The following TUBB8B variants were observed in gnomAD, a reference collection of about 807,000 sequenced individuals.
TUBB8B encodes tubulin beta 8B, also known as HSA18p11 beta-tubulin 4Q pseudogene.
Under a neutral mutation model 31.9 loss-of-function variants are expected in TUBB8B, and 26 were observed. The ratio of observed to expected loss-of-function variants is 0.81; its 90% CI spans 0.60 to 1.13. TUBB8B has a LOEUF of 1.13. Among genes scored for constraint, TUBB8B ranks in the 50% most tolerant of loss-of-function variants. The probability of loss-of-function intolerance (pLI) is 0.00; values close to 1 mark genes in which losing one functional copy is unlikely to be tolerated. For synonymous variants in TUBB8B, 173 were observed against 231.0 expected (o/e 0.75, Z 2.28); for missense variants, 467 against 586.7 (o/e 0.80, Z 2.11).
the TUBB8B span, among the ~76,000 whole-genome samples, chr18:72,143 A>C: frequency 7.1e-6 from 1 of 140,706 alleles, no homozygotes; most frequent in Non-Finnish European, 1.5e-5. Context: ...ACGCCACTGC[A>C]CTCCAGCCTG....
chr18:71,568 TTAA>T, the TUBB8B span, among the ~76,000 whole-genome samples: 69 of 78,480 alleles, frequency 8.8e-4, 2 homozygotes, highest in African/African-American at 3.0e-3. Flanking sequence ...AAAAAAAAAT[TTAA>T]AAAAAAAAAA....
upstream of TUBB8B, among the ~76,000 whole-genome samples, chr18:53,171 A>T (rs934735065): frequency 6.6e-6 from 1 of 151,860 alleles, no homozygotes; most frequent in Non-Finnish European, 1.5e-5. Flanking sequence ...CTAGCTACTC[A>T]TATTAAGATA....
the TUBB8B span, among the ~76,000 whole-genome samples, chr18:57,322 T>C: frequency 1.6e-4 from 25 of 151,738 alleles, 1 homozygote; most frequent in South Asian, 8.3e-4. Context: ...AAGATACAAA[T>C]GGGGCATAGG....
rs1324135079 is a variant in TUBB8B, at chr18:47,235, ATACTT to A, written c.*150_*154del. ...GGAGGCAAAACCAGATGCTGTGAGA[ATACTT>A]TATTAGTCAAAACCGCATACTATAA... On this transcript the variant is annotated 3_prime_UTR_variant, in exon 4 of 4. Coordinates refer to ENST00000308911, the MANE Select transcript of TUBB8B (RefSeq NM_001358689.2). Among the ~76,000 whole-genome samples, 221 of 121,904 alleles carry A rather than the reference ATACTT, an allele frequency of 1.8e-3. 3 individuals are homozygous for A. The highest frequency in any genetic ancestry group is 6.4e-3 in the African/African-American group (184 of 28,672). 80.0% of individuals were successfully genotyped at this position (121,904 alleles called of 152,430 possible). A position where few individuals can be genotyped will look rare whatever the true frequency, so the allele number is the denominator to read the frequency against.
chr18:65,029 G>A, the TUBB8B span, among the ~76,000 whole-genome samples: 94 of 152,130 alleles, frequency 6.2e-4, no homozygotes, highest in South Asian at 4.2e-4. Context: ...GGCCAGGTGC[G>A]GTGGCTCACA....
chr18:73,147 C>A, the TUBB8B span, among the ~76,000 whole-genome samples: 1 of 152,128 alleles, frequency 6.6e-6, no homozygotes, highest in African/African-American at 2.4e-5. Flanking sequence ...GAAACAAACT[C>A]GCATTCGTAA....
chr18:65,823 C>T, the TUBB8B span, among the ~76,000 whole-genome samples: 16 of 152,000 alleles, frequency 1.1e-4, no homozygotes, highest in Non-Finnish European at 1.6e-4. Flanking sequence ...ACCCCCAAAA[C>T]GTTATTAAAA....
At chr18:54,563 C>G (rs1387963398), upstream of TUBB8B, among the ~76,000 whole-genome samples, 1 of 151,834 alleles carries the variant, frequency 6.6e-6, no homozygotes, top group African/African-American at 2.4e-5. Flanking sequence ...TGGTAACCAC[C>G]CTTATACTCT....
upstream of TUBB8B, among the ~76,000 whole-genome samples, chr18:53,476 C>T (rs948907820): frequency 1.3e-5 from 2 of 151,652 alleles, no homozygotes; most frequent in Non-Finnish European, 2.9e-5. Flanking sequence ...TAATTATTAT[C>T]ATTATCGTTT....
the TUBB8B span, among the ~76,000 whole-genome samples, chr18:72,832 T>C: frequency 6.6e-6 from 1 of 151,978 alleles, no homozygotes; most frequent in Non-Finnish European, 1.5e-5. Context: ...CCGGGCGTGG[T>C]GGTGCATGCC....
At chr18:68,019 T>A in the TUBB8B span, among the ~76,000 whole-genome samples, 1 of 152,200 alleles carries the variant, frequency 6.6e-6, no homozygotes, top group Admixed American at 6.5e-5. Flanking sequence ...AATACTGATA[T>A]TGCAGCCGCA....
Position 48,346 on chromosome 18 carries a change from A to G in TUBB8B, c.379T>C (p.Cys127Arg). ...AGCTGGAAACCCTGCAGGCAGTCAC[A>G]GCTCTCAGCCTCCTTTCTGACAACG... is the stretch of plus-strand genomic sequence containing the variant. ...MDVVRKEAES[C>R]DCLQGFQLTH... Residue 127 changes from cysteine (C) to arginine (R), a missense_variant, in exon 4 of 4, where the codon TGT becomes CGT. By Grantham distance (180) the Cys-to-Arg change is radical. This residue lies in a region of TUBB8B where 259 missense variants were observed against 380.1 expected (regional missense o/e 0.68). Transcript: ENST00000308911. 1.2e-6 allele frequency: 2 copies of G among 1,610,586 alleles called. No individual in the cohort carries two copies. The highest frequency in any genetic ancestry group is 1.7e-6 in the Non-Finnish European group (2 of 1,177,086).
At chr18:57,967 G>A in the TUBB8B span, among the ~76,000 whole-genome samples, 1 of 151,848 alleles carries the variant, frequency 6.6e-6, no homozygotes, top group Admixed American at 6.6e-5. Flanking sequence ...TGCTACACCT[G>A]GAGCTGGAGC....
the TUBB8B span, among the ~76,000 whole-genome samples, chr18:63,189 T>C: frequency 2.0e-5 from 3 of 151,782 alleles, no homozygotes; most frequent in Admixed American, 6.6e-5. Flanking sequence ...TTGATACTTG[T>C]AGATGTTCAT....
At chr18:71,063 C>T in the TUBB8B span, among the ~76,000 whole-genome samples, 470 of 151,626 alleles carry the variant, frequency 3.1e-3, 1 homozygote, top group African/African-American at 0.011. Context: ...ACCTGAGCGA[C>T]GTAAAGATCC....
In TUBB8B at chr18:47,845, A is replaced by G. The variant is rs200791031; in HGVS notation, c.880T>C (p.Phe294Leu). ...GCAGCCATCATGTTCTTAGCATCAAACATCTGCTGGGTGAGCTCAGCCACA... is the reference window on the plus strand; with the variant it reads ...GCAGCCATCATGTTCTTAGCATCAAGCATCTGCTGGGTGAGCTCAGCCACA... Reference protein sequence around the residue: ...LTVAELTQQMFDAKNMMAACD... With the variant: ...LTVAELTQQMLDAKNMMAACD... Residue 294 changes from phenylalanine (F) to leucine (L), a missense_variant, in exon 4 of 4, where the codon TTT becomes CTT. This residue lies in a region of TUBB8B where 208 missense variants were observed against 206.7 expected (regional missense o/e 1.01). Coordinates refer to ENST00000308911, the MANE Select transcript of TUBB8B (RefSeq NM_001358689.2). 302 of 1,611,380 alleles carry G rather than the reference A, an allele frequency of 1.9e-4. 3 individuals carry two copies. The highest frequency in any genetic ancestry group is 2.4e-4 in the Non-Finnish European group (285 of 1,179,494).
rs576855326 is a variant in TUBB8B, at chr18:47,555, C to A, written c.1170G>T (p.Arg390Ser). The change falls in exon 4 of 4, where the codon AGG (arginine) becomes AGT (serine). Residue 390 changes from arginine (R) to serine (S), a missense_variant. Arg to Ser is a moderately radical substitution (Grantham distance 110). Around this residue, in one of 2 missense-constraint regions of TUBB8B, gnomAD observed 208 missense variants for 206.7 expected, o/e 1.01. Transcript: ENST00000308911. Reference protein sequence around the residue: ...CVSEQFTAMFRRKAFLHWYTG... With the variant: ...CVSEQFTAMFSRKAFLHWYTG... Reference sequence around the variant, plus strand: ...TGTACCAGTGGAGGAAGGCCTTGCGCCTGAACATTGCTGTAAACTGCTCTG... The same window carrying A: ...TGTACCAGTGGAGGAAGGCCTTGCGACTGAACATTGCTGTAAACTGCTCTG... 1.9e-6 allele frequency: 3 copies of A among 1,611,072 alleles called. No homozygotes were observed. The African/African-American group carries it at 4.0e-5, about 22-fold the overall frequency.
At chr18:63,012 G>C in the TUBB8B span, among the ~76,000 whole-genome samples, 2 of 151,628 alleles carry the variant, frequency 1.3e-5, no homozygotes, top group South Asian at 4.2e-4. Flanking sequence ...AAATTTATCT[G>C]ATAGAATTTT....
At chr18:50,096 G>A (rs1394818998), upstream of TUBB8B, 4 of 332,362 alleles carry the variant, frequency 1.2e-5, no homozygotes, top group East Asian at 1.5e-4. Flanking sequence ...ATAGTCAGGC[G>A]TCTGATTTAG....
Sources: allele counts gnomAD v4.1 joint callset (sites outside exome capture counted in the v4.1 genomes callset), GRCh38; gene constraint gnomAD v4.1.1; regional missense constraint gnomAD v4.1.1; transcripts MANE v1.5; gene names NCBI Gene and HGNC (gene_info 2026-07-23, HGNC 2026-07-21).